The following SERPINB5 variants were observed in gnomAD, a reference collection of about 807,000 sequenced individuals.
The protein encoded by SERPINB5 is serpin B5.
Under a neutral mutation model 32.2 loss-of-function variants are expected in SERPINB5, and 27 were observed. The ratio of observed to expected loss-of-function variants is 0.84; its 90% CI spans 0.62 to 1.16. The LOEUF is 1.16. SERPINB5 is among the 50% of genes most tolerant of loss of function. The pLI, the probability that SERPINB5 is intolerant of heterozygous loss-of-function variation, is 0.00. For missense variants in SERPINB5, 388 were observed against 436.3 expected (o/e 0.89, Z 0.99); for synonymous variants, 154 against 157.4 (o/e 0.98, Z 0.16).
At chr18:63,495,512 A>G (rs1848692) in intron 5 of SERPINB5, among the ~76,000 whole-genome samples, 59,986 of 152,156 alleles carry the variant, frequency 0.39, 12,786 homozygotes, top group Non-Finnish European at 0.49. Flanking sequence ...AATCTGAAAC[A>G]GGTTGCCAAT....
At position 63,504,040 on chromosome 18, in the gene SERPINB5, A is replaced by G. The variant is rs781405967; in HGVS notation, c.*318A>G. 1.7e-4 allele frequency: 50 copies of G among 290,870 alleles called. No individual in the cohort carries two copies. The highest frequency in any genetic ancestry group is 2.7e-4 in the Non-Finnish European group (42 of 157,238). 18.0% of individuals were successfully genotyped at this position (290,870 alleles called of 1,614,324 possible). ...GGCAGAAATACAGTCTTCCACAAAG[A>G]AAATTCCTATAAGGAAGATTTGGAA... On this transcript the variant is annotated 3_prime_UTR_variant, in exon 7 of 7. Coordinates refer to ENST00000382771, the MANE Select transcript of SERPINB5 (RefSeq NM_002639.5).
intron 5 of SERPINB5, among the ~76,000 whole-genome samples, chr18:63,494,182 C>T (rs1378324615): frequency 6.6e-6 from 1 of 151,848 alleles, no homozygotes; most frequent in Non-Finnish European, 1.5e-5. Flanking sequence ...ATTAGCTGGG[C>T]ATGGTGGCAT....
intron 2 of SERPINB5, chr18:63,486,707 T>C (rs1917219453): frequency 2.7e-6 from 1 of 364,484 alleles, no homozygotes; most frequent in Admixed American, 4.2e-5. Flanking sequence ...AGGAGGAGGA[T>C]GCCACTGGCA....
Position 63,503,276 on chromosome 18 carries a change from T to TTGAAATAAATAAAAATAATTTTTTA in SERPINB5, c.736-54_736-53insTGAAATAAATAAAAATAATTTTTTA, listed in dbSNP as rs1909607081. ...ACCTTATGTTTTCAATTGAGCCAGG[T>TTGAAATAAATAAAAATAATTTTTTA]CTTTTACAGTTGGAAATAAATAAAA... On this transcript the variant is annotated intron_variant, in intron 6 of 6. Transcript: ENST00000382771. 8 of 1,529,444 alleles carry TTGAAATAAATAAAAATAATTTTTTA rather than the reference T, an allele frequency of 5.2e-6. No homozygotes were observed. The Admixed American group carries it at 6.3e-5, about 12-fold the overall frequency. 94.7% of individuals were successfully genotyped at this position (1,529,444 alleles called of 1,614,324 possible). A position where few individuals can be genotyped will look rare whatever the true frequency, so the allele number is the denominator to read the frequency against.
intron 3 of SERPINB5, 87 bp downstream of exon 3, chr18:63,487,170 G>T (rs1345505050): frequency 1.5e-6 from 2 of 1,301,852 alleles, no homozygotes; most frequent in African/African-American, 1.5e-5. Flanking sequence ...TTTTTTCAGT[G>T]AAATTCCTTT....
At chr18:63,477,513 T>A (rs1332657581) in intron 1 of SERPINB5, among the ~76,000 whole-genome samples, 1 of 152,154 alleles carries the variant, frequency 6.6e-6, no homozygotes, top group East Asian at 1.9e-4. Flanking sequence ...TGGCTGACGT[T>A]GTAAGGCTGA....
intron 5 of SERPINB5, chr18:63,497,499 G>GGAAAAAAAAAAA (rs74169971): frequency 4.6e-6 from 1 of 217,032 alleles, no homozygotes; most frequent in African/African-American, 2.5e-5. Context: ...CAACGTTTCT[G>GGAAAAAAAAAAA]AAAAAAAAAA....
chr18:63,494,848 A>G (rs1909415764), intron 5 of SERPINB5, among the ~76,000 whole-genome samples: 1 of 152,144 alleles, frequency 6.6e-6, no homozygotes, highest in Admixed American at 6.5e-5. Context: ...ACAATGCCTT[A>G]TTCACCTCAG....
At position 63,503,461 on chromosome 18, in the gene SERPINB5, A is replaced by T. The variant is rs200796901; in HGVS notation, c.867A>T (p.Glu289Asp). 1 of 1,614,238 alleles carries T rather than the reference A, an allele frequency of 6.2e-7. No homozygotes were observed. Among genetic ancestry groups the T allele is most frequent in the Non-Finnish European group, 8.5e-7 (1 of 1,180,036 alleles). The stretch of plus-strand genomic sequence containing the variant: ...TGATTGATCCCAAGGCTTGTCTGGA[A>T]AATCTAGGGCTGAAACATATCTTCA... Reference protein sequence around the residue: ...EKMIDPKACLENLGLKHIFSE... With the variant: ...EKMIDPKACLDNLGLKHIFSE... Residue 289 changes from glutamate (E) to aspartate (D), a missense_variant, in exon 7 of 7, where the codon GAA becomes GAT. Physicochemically the swap from Glu to Asp is conservative, Grantham distance 45. Coordinates refer to ENST00000382771, the MANE Select transcript of SERPINB5 (RefSeq NM_002639.5).
chr18:63,477,400 G>A (rs1917053118), intron 1 of SERPINB5: 1 of 152,168 alleles, frequency 6.6e-6, no homozygotes, highest in Non-Finnish European at 1.5e-5. Context: ...GGCCTACTTT[G>A]GAACTCAGAA....
Position 63,503,897 on chromosome 18 carries a change from C to G in SERPINB5, c.*175C>G, listed in dbSNP as rs1909625654. Reference sequence around the variant, plus strand: ...CACAGATAGACCTTTTTTTTTTTTCCAATTCTATCTTTTGTTTCCTTTTTT... The same window carrying G: ...CACAGATAGACCTTTTTTTTTTTTCGAATTCTATCTTTTGTTTCCTTTTTT... On this transcript the variant is annotated 3_prime_UTR_variant, in exon 7 of 7. Transcript: ENST00000382771. The G allele has an allele frequency of 1.6e-6, 1 of 606,510 alleles. No individual in the cohort carries two copies. The highest frequency in any genetic ancestry group is 3.2e-5 in the Admixed American group (1 of 30,864). 37.6% of individuals were successfully genotyped at this position (606,510 alleles called of 1,614,324 possible). A position where few individuals can be genotyped will look rare whatever the true frequency, so the allele number is the denominator to read the frequency against.
At chr18:63,501,026 T>G (rs1804657958) in intron 6 of SERPINB5, among the ~76,000 whole-genome samples, 1 of 152,134 alleles carries the variant, frequency 6.6e-6, no homozygotes, top group Non-Finnish European at 1.5e-5. Context: ...TCTTCTTTTT[T>G]TATTTCAATA....
Position 63,504,102 on chromosome 18 carries a change from A to G in SERPINB5, c.*380A>G, listed in dbSNP as rs1489231940. ...CAGCACTATGCTTTCCTTCTTTGGGATAGAGAATGTTCCAGACATTCTCGC... is the reference window on the plus strand; with the variant it reads ...CAGCACTATGCTTTCCTTCTTTGGGGTAGAGAATGTTCCAGACATTCTCGC... On this transcript the variant is annotated 3_prime_UTR_variant, in exon 7 of 7. Transcript: ENST00000382771. 2 of 223,184 alleles carry G rather than the reference A, an allele frequency of 9.0e-6. No homozygotes were observed. Among genetic ancestry groups the G allele is most frequent in the Non-Finnish European group, 1.7e-5 (2 of 114,852 alleles). The allele number at this position is 223,184 out of a possible 1,614,324, so 13.8% of individuals were successfully genotyped here. A position where few individuals can be genotyped will look rare whatever the true frequency, so the allele number is the denominator to read the frequency against.
intron 4 of SERPINB5, among the ~76,000 whole-genome samples, chr18:63,492,112 C>G (rs1568110463): frequency 6.6e-6 from 1 of 152,140 alleles, no homozygotes; most frequent in South Asian, 2.1e-4. Flanking sequence ...AATGAAAACC[C>G]TTTATAAAAA....
chr18:63,479,926 C>A (rs1214445025), intron 1 of SERPINB5, among the ~76,000 whole-genome samples: 2 of 152,160 alleles, frequency 1.3e-5, no homozygotes, highest in African/African-American at 2.4e-5. Context: ...TCAGGACATG[C>A]AGGATTTTTG....
In SERPINB5 at chr18:63,484,747, T is replaced by A. The variant is rs994179135; in HGVS notation, c.168+151T>A. 4.1e-3 allele frequency: 2,059 copies of A among 496,902 alleles called. 59 individuals are homozygous for A. The African/African-American group carries it at 0.044, about 11-fold the overall frequency. The allele number at this position is 496,902 out of a possible 1,614,324, so 30.8% of individuals were successfully genotyped here. A position where few individuals can be genotyped will look rare whatever the true frequency, so the allele number is the denominator to read the frequency against. ...ATTCCAGGACTCTCTTAATCTTTTT[T>A]TTTTTTTTTTTTTTTTGTGAGACAG... is the stretch of plus-strand genomic sequence containing the variant. On this transcript the variant is annotated intron_variant, in intron 2 of 6. Transcript: ENST00000382771.
intron 1 of SERPINB5, among the ~76,000 whole-genome samples, chr18:63,478,278 G>C (rs568216697): frequency 6.2e-4 from 94 of 152,336 alleles, no homozygotes; most frequent in African/African-American, 1.9e-3. Flanking sequence ...GAGTCTGGCT[G>C]TAAGTTTACT....
Position 63,484,578 on chromosome 18 carries a change from T to G in SERPINB5, c.150T>G (p.Thr50=). ...SLAQVGAKGD[T]ANEIGQVLHF... ...CTCAAGTGGGTGCTAAAGGTGACAC[T>G]GCAAATGAAATTGGACAGGTAAGCC... The change falls in exon 2 of 7, where the codon ACT becomes ACG. Residue 50 remains threonine, a synonymous_variant. Transcript: ENST00000382771. 1 of 1,613,346 alleles carries G rather than the reference T, an allele frequency of 6.2e-7. No individual in the cohort carries two copies. The highest frequency in any genetic ancestry group is 8.5e-7 in the Non-Finnish European group (1 of 1,179,820).
At chr18:63,501,078 T>G (rs936121326) in intron 6 of SERPINB5, among the ~76,000 whole-genome samples, 1 of 152,108 alleles carries the variant, frequency 6.6e-6, no homozygotes, top group Non-Finnish European at 1.5e-5. Context: ...AGTTTTAGGG[T>G]ACATGTGCAC....
Sources: allele counts gnomAD v4.1 joint callset (sites outside exome capture counted in the v4.1 genomes callset), GRCh38; gene constraint gnomAD v4.1.1; transcripts MANE v1.5; gene names NCBI Gene and HGNC (gene_info 2026-07-23, HGNC 2026-07-21).